The following RIMS1 variants were observed in gnomAD, a reference collection of about 807,000 sequenced individuals.
The protein encoded by RIMS1 is regulating synaptic membrane exocytosis 1, also known as regulating synaptic membrane exocytosis protein 1.
Under a neutral mutation model 214.1 loss-of-function variants are expected in RIMS1, and 83 were observed. The observed-to-expected ratio is 0.39, with a 90% confidence interval of 0.32 to 0.47. The LOEUF (loss-of-function observed/expected upper bound fraction) is 0.47, where lower values mean the gene tolerates loss of function less well. Ranked by LOEUF, RIMS1 falls within the 20% of genes least tolerant of loss-of-function variation. The pLI, the probability that RIMS1 is intolerant of heterozygous loss-of-function variation, is 0.99. For missense variants in RIMS1, 2,050 were observed against 2,161.8 expected (o/e 0.95, Z 1.03); for synonymous variants, 793 against 786.8 (o/e 1.01, Z -0.13).
intron 29 of RIMS1, among the ~76,000 whole-genome samples, chr6:72,384,141 TAATGTTAAGTCTAAC>T (rs1166870367): frequency 4.6e-5 from 7 of 152,310 alleles, no homozygotes; most frequent in Admixed American, 6.5e-5. Flanking sequence ...CTCCAGCCGA[TAATGTTAAGTCTAAC>T]AATGTGTTTT....
chr6:72,012,888 GA>G (rs1811321006), intron 2 of RIMS1, among the ~76,000 whole-genome samples: 1 of 152,164 alleles, frequency 6.6e-6, no homozygotes, highest in Non-Finnish European at 1.5e-5. Context: ...ATTGTATGTT[GA>G]GACCATTCAT....
chr6:72,113,465 T>A (rs1372003132), intron 4 of RIMS1, among the ~76,000 whole-genome samples: 1 of 152,158 alleles, frequency 6.6e-6, no homozygotes, highest in Non-Finnish European at 1.5e-5. Context: ...TGAGTAATTT[T>A]GATAAAGTTG....
intron 6 of RIMS1, among the ~76,000 whole-genome samples, chr6:72,196,210 G>A (rs959198816): frequency 6.6e-6 from 1 of 151,988 alleles, no homozygotes; most frequent in Non-Finnish European, 1.5e-5. Context: ...AAGAGGGTTT[G>A]CAATTCAAAA....
At chr6:72,178,706 C>G (rs1013988931) in intron 4 of RIMS1, among the ~76,000 whole-genome samples, 1 of 152,154 alleles carries the variant, frequency 6.6e-6, no homozygotes, top group African/African-American at 2.4e-5. Context: ...CCTATCTTTG[C>G]CCTGTGACAG....
At chr6:72,046,303 G>A (rs1220236799) in intron 2 of RIMS1, among the ~76,000 whole-genome samples, 1 of 152,062 alleles carries the variant, frequency 6.6e-6, no homozygotes, top group Non-Finnish European at 1.5e-5. Context: ...AAGGGGTTGG[G>A]AGGGGAGTGA....
chr6:72,392,650 G>C, intron 30 of RIMS1, 48 bp from the exon 31 acceptor site: 3 of 1,266,568 alleles, frequency 2.4e-6, no homozygotes, highest in Non-Finnish European at 2.3e-6. Context: ...AAGAATTCTA[G>C]AAGATTTCAT....
chr6:72,217,077 T>C, intron 6 of RIMS1: 1 of 1,496,740 alleles, frequency 6.7e-7, no homozygotes, highest in Non-Finnish European at 8.9e-7. Flanking sequence ...TTATTTAAAA[T>C]GTTGTATTTT....
intron 1 of RIMS1, among the ~76,000 whole-genome samples, chr6:71,905,699 A>G (rs1775052199): frequency 6.6e-6 from 1 of 152,170 alleles, no homozygotes; most frequent in South Asian, 2.1e-4. Flanking sequence ...GAAGAGCGTT[A>G]GCAGCCAGAT....
At position 71,979,595 on chromosome 6, in the gene RIMS1, A is replaced by G. The variant is rs1378326809; in HGVS notation, c.245+10532A>G. 3.3e-5 allele frequency among the ~76,000 whole-genome samples: 5 copies of G among 152,112 alleles called. No homozygotes were observed. The South Asian group carries it at 8.3e-4, about 25-fold the overall frequency. ...TAACAAATATTTACCATGATCTTAC[A>G]GTGTACTTGACACAATTTGAGAATA... On this transcript the variant is annotated intron_variant, in intron 2 of 33. Transcript: ENST00000521978.
chr6:72,237,754 A>C lies in RIMS1; in HGVS notation c.1858-69A>C, dbSNP rs2064861236. On this transcript the variant is annotated intron_variant, in intron 8 of 33. Transcript: ENST00000521978. ...GTGTATCATAAAAGAATGTAGGATTAATTCCTCAAACTAATAAGCTTATGT... is the reference window on the plus strand; with the variant it reads ...GTGTATCATAAAAGAATGTAGGATTCATTCCTCAAACTAATAAGCTTATGT... 14 of 1,098,146 alleles carry C rather than the reference A, an allele frequency of 1.3e-5. No homozygotes were observed. In the South Asian group the frequency reaches 1.6e-4, roughly 12 times the overall value. The allele number at this position is 1,098,146 out of a possible 1,614,324, so 68.0% of individuals were successfully genotyped here. A position where few individuals can be genotyped will look rare whatever the true frequency, so the allele number is the denominator to read the frequency against.
chr6:72,186,884 A>G (rs1473602427), intron 6 of RIMS1, among the ~76,000 whole-genome samples: 1 of 151,876 alleles, frequency 6.6e-6, no homozygotes, highest in East Asian at 1.9e-4. Context: ...TAATTCCAGC[A>G]CTTTGGGAGG....
chr6:72,356,238 C>T (rs2097638417), intron 29 of RIMS1, among the ~76,000 whole-genome samples: 1 of 151,778 alleles, frequency 6.6e-6, no homozygotes, highest in African/African-American at 2.4e-5. Context: ...AATCACTAAG[C>T]TTCAAGAAGA....
chr6:72,075,205 C>G (rs1831498740), intron 2 of RIMS1, among the ~76,000 whole-genome samples: 2 of 152,000 alleles, frequency 1.3e-5, no homozygotes, highest in African/African-American at 4.8e-5. Context: ...CCTCAGACTC[C>G]CAAGTAGCTA....
At position 72,382,815 on chromosome 6, in the gene RIMS1, C is replaced by T. The variant is rs114874592; in HGVS notation, c.4367-7783C>T. 4.4e-3 allele frequency among the ~76,000 whole-genome samples: 664 copies of T among 152,264 alleles called. 4 individuals carry two copies. Among genetic ancestry groups the T allele is most frequent in the African/African-American group, 0.015 (640 of 41,554 alleles). ...GAAATACAACTATACAATTCCCTTC[C>T]ACCCTGCCTCCATCCGTCCTCTACC... On this transcript the variant is annotated intron_variant, in intron 29 of 33. Coordinates refer to ENST00000521978, the MANE Select transcript of RIMS1 (RefSeq NM_014989.7).
intron 29 of RIMS1, among the ~76,000 whole-genome samples, chr6:72,363,156 A>G (rs1478821680): frequency 6.6e-6 from 1 of 152,192 alleles, no homozygotes; most frequent in Non-Finnish European, 1.5e-5. Context: ...TGTGCAAGGC[A>G]GAAGGGAGTA....
At chr6:72,373,481 T>C (rs2098280206) in intron 29 of RIMS1, among the ~76,000 whole-genome samples, 1 of 152,248 alleles carries the variant, frequency 6.6e-6, no homozygotes, top group Non-Finnish European at 1.5e-5. Flanking sequence ...ACACACCTCC[T>C]ACTCCTCAAA....
At chr6:72,058,682 C>G (rs900815903) in intron 2 of RIMS1, among the ~76,000 whole-genome samples, 4 of 152,204 alleles carry the variant, frequency 2.6e-5, no homozygotes, top group African/African-American at 9.6e-5. Flanking sequence ...TTATTGACAG[C>G]AGGTCTGTGG....
intron 1 of RIMS1, among the ~76,000 whole-genome samples, chr6:71,894,185 C>A (rs12660422): frequency 0.061 from 9,348 of 152,276 alleles, 388 homozygotes; most frequent in East Asian, 0.21. Context: ...TGGCTCACTC[C>A]CGTAATCCCA....
chr6:72,290,743 A>T lies in RIMS1; in HGVS notation c.3619A>T (p.Ile1207Phe). Reference sequence around the variant, plus strand: ...CCCAAGAGCAACTGATCAGCCAGTCATTAGGGGAAAACATCCTGCTCGCTC... The same window carrying T: ...CCCAAGAGCAACTGATCAGCCAGTCTTTAGGGGAAAACATCCTGCTCGCTC... ...AAPRATDQPV[I>F]RGKHPARSRS... is the part of the protein sequence containing the mutation. Residue 1207 changes from isoleucine to phenylalanine, a missense_variant, in exon 25 of 34, where the codon ATT becomes TTT. Transcript: ENST00000521978. 6.2e-7 allele frequency: 1 copy of T among 1,613,834 alleles called. No homozygotes were observed. The highest frequency in any genetic ancestry group is 8.5e-7 in the Non-Finnish European group (1 of 1,179,774).
Sources: gnomAD v4.1 joint callset for allele counts (sites outside exome capture counted in the v4.1 genomes callset) on GRCh38, gnomAD v4.1.1 for gene constraint, MANE v1.5 for transcripts, NCBI Gene and HGNC (gene_info 2026-07-23, HGNC 2026-07-21) for gene names.